Variants in WWOX observed in about 807,000 individuals in gnomAD.
WWOX encodes WW domain-containing oxidoreductase.
Under a neutral mutation model 46.2 loss-of-function variants are expected in WWOX, and 69 were observed. The observed-to-expected ratio is 1.49, with a 90% CI of 1.23 to 1.82. The LOEUF (loss-of-function observed/expected upper bound fraction) is 1.82. Among genes scored for constraint, WWOX ranks in the 40% most tolerant of loss-of-function variants. The pLI is 0.00. For synonymous variants in WWOX, 359 were observed against 202.6 expected, an observed-to-expected ratio of 1.77 and a Z score of -6.56; for missense variants, 919 against 542.6, an observed-to-expected ratio of 1.69 and a Z score of -6.89.
At chr16:78,431,841 C>A (rs190245939) in intron 7 of WWOX, among the ~76,000 whole-genome samples, 152 of 152,098 alleles carry the variant, frequency 1.0e-3, no homozygotes, top group African/African-American at 3.5e-3. Context: ...CTCAGCCCCC[C>A]AAGTAGCTGG....
chr16:78,584,499 G>T (rs1040086504), intron 8 of WWOX, among the ~76,000 whole-genome samples: 1 of 152,202 alleles, frequency 6.6e-6, no homozygotes, highest in Non-Finnish European at 1.5e-5. Context: ...TTAAAGACAA[G>T]GACTGTTCTA....
At chr16:78,175,872 C>A (rs1392102958) in intron 5 of WWOX, among the ~76,000 whole-genome samples, 1 of 152,192 alleles carries the variant, frequency 6.6e-6, no homozygotes, top group Non-Finnish European at 1.5e-5. Flanking sequence ...AGAGACTGGA[C>A]AGTGAGTTCT....
chr16:78,433,767 T>C (rs1024747321), intron 8 of WWOX, among the ~76,000 whole-genome samples: 2 of 150,008 alleles, frequency 1.3e-5, no homozygotes, highest in Admixed American at 1.3e-4. Flanking sequence ...ACCTTCGTAT[T>C]TGGGGATGAC....
intron 8 of WWOX, among the ~76,000 whole-genome samples, chr16:78,937,601 C>CTTCATTTATTTATTTA (rs1555572427): frequency 1.4e-5 from 2 of 142,548 alleles, no homozygotes; most frequent in African/African-American, 5.2e-5. Context: ...AGCTATAGAG[C>CTTCATTTATTTATTTA]TTTATTTATT....
At chr16:78,402,556 C>G (rs1328071395) in intron 6 of WWOX, among the ~76,000 whole-genome samples, 2 of 152,238 alleles carry the variant, frequency 1.3e-5, no homozygotes, top group East Asian at 1.9e-4. Context: ...CCCCCAAGCT[C>G]AACACCAACC....
At chr16:79,080,266 C>G (rs548717105) in intron 8 of WWOX, among the ~76,000 whole-genome samples, 1 of 152,276 alleles carries the variant, frequency 6.6e-6, no homozygotes, top group East Asian at 1.9e-4. Flanking sequence ...ACACAGGAGT[C>G]CTTTTCTCTG....
intron 5 of WWOX, among the ~76,000 whole-genome samples, chr16:78,282,274 A>G (rs2079692378): frequency 6.6e-6 from 1 of 152,180 alleles, no homozygotes; most frequent in Non-Finnish European, 1.5e-5. Flanking sequence ...TCTACCGTCA[A>G]TCTGCTATGA....
chr16:78,976,453 C>T (rs893436676), intron 8 of WWOX, among the ~76,000 whole-genome samples: 13 of 152,172 alleles, frequency 8.5e-5, no homozygotes, highest in East Asian at 1.9e-4. Context: ...CCACATGGCA[C>T]GCAATGGTGG....
At chr16:78,753,112 T>C (rs781098393) in intron 8 of WWOX, among the ~76,000 whole-genome samples, 2 of 152,014 alleles carry the variant, frequency 1.3e-5, no homozygotes, top group Non-Finnish European at 2.9e-5. Context: ...CTGGCTAACA[T>C]GGTGAAACCC....
At chr16:78,849,180 C>T (rs560081662) in intron 8 of WWOX, among the ~76,000 whole-genome samples, 8 of 152,140 alleles carry the variant, frequency 5.3e-5, no homozygotes, top group Non-Finnish European at 1.0e-4. Flanking sequence ...CCCAAACATA[C>T]AAGAGTCAAT....
At chr16:78,869,622 T>C (rs544885947) in intron 8 of WWOX, among the ~76,000 whole-genome samples, 1 of 152,264 alleles carries the variant, frequency 6.6e-6, no homozygotes, top group South Asian at 2.1e-4. Context: ...GGAAAGGGTG[T>C]CATGATGGGT....
At chr16:79,132,711 C>G (rs2049905628) in intron 8 of WWOX, among the ~76,000 whole-genome samples, 1 of 152,074 alleles carries the variant, frequency 6.6e-6, no homozygotes, top group Non-Finnish European at 1.5e-5. Flanking sequence ...TGGAAAGAGG[C>G]TCTGGCATAC....
chr16:78,493,695 C>T lies in WWOX; in HGVS notation c.1056+60943C>T, dbSNP rs372065395. ...TAATCCACAGCACTCCTTCTGAATA[C>T]GTTACGTAAATGGAACCCTCGCAAC... is the stretch of plus-strand genomic sequence containing the variant. On this transcript the variant is annotated intron_variant, in intron 8 of 8. Coordinates refer to ENST00000566780, the MANE Select transcript of WWOX (RefSeq NM_016373.4). 6.1e-4 allele frequency among the ~76,000 whole-genome samples: 93 copies of T among 152,174 alleles called. 1 individual carries two copies. In the South Asian group the frequency reaches 8.3e-3, roughly 14 times the overall value.
intron 8 of WWOX, among the ~76,000 whole-genome samples, chr16:78,855,539 C>T (rs559735106): frequency 3.5e-4 from 54 of 152,256 alleles, no homozygotes; most frequent in African/African-American, 1.3e-3. Flanking sequence ...ATGTGGCAGA[C>T]AATAAAATTT....
chr16:79,108,973 A>C (rs1286723572), intron 8 of WWOX, among the ~76,000 whole-genome samples: 1 of 151,798 alleles, frequency 6.6e-6, no homozygotes, highest in Non-Finnish European at 1.5e-5. Context: ...TCATCTGAGC[A>C]ACATTATCCT....
intron 8 of WWOX, among the ~76,000 whole-genome samples, chr16:78,518,431 G>C (rs1167620524): frequency 6.6e-6 from 1 of 152,036 alleles, no homozygotes; most frequent in East Asian, 1.9e-4. Context: ...ATGTTGGCCA[G>C]GTTGGTCGTG....
At chr16:79,005,745 T>C (rs2047177845) in intron 8 of WWOX, among the ~76,000 whole-genome samples, 1 of 152,222 alleles carries the variant, frequency 6.6e-6, no homozygotes, top group East Asian at 1.9e-4. Flanking sequence ...TAAGTCCATC[T>C]GCAAAGACCC....
At chr16:78,782,111 A>G (rs2050342775) in intron 8 of WWOX, among the ~76,000 whole-genome samples, 1 of 152,050 alleles carries the variant, frequency 6.6e-6, no homozygotes, top group Non-Finnish European at 1.5e-5. Flanking sequence ...TTGGCAGCAA[A>G]TGTAAATCAC....
intron 8 of WWOX, among the ~76,000 whole-genome samples, chr16:78,767,239 G>C (rs1015656555): frequency 6.6e-6 from 1 of 151,892 alleles, no homozygotes; most frequent in East Asian, 1.9e-4. Flanking sequence ...TCCCACCTCA[G>C]CCTCCCAAGG....
Sources: allele counts gnomAD v4.1 joint callset (sites outside exome capture counted in the v4.1 genomes callset), GRCh38; gene constraint gnomAD v4.1.1; transcripts MANE v1.5; gene names NCBI Gene and HGNC (gene_info 2026-07-23, HGNC 2026-07-21).